Variants in DLG1 observed in about 807,000 individuals in gnomAD.
DLG1 encodes disks large homolog 1.
DLG1 carries 42 observed loss-of-function variants against 123.4 expected under a neutral mutation model. That is an observed-to-expected ratio of 0.34 (90% CI 0.27 to 0.44). DLG1 has a LOEUF of 0.44. Among genes scored for constraint, DLG1 ranks in the 20% least tolerant of loss-of-function variants. DLG1 has a pLI of 1.00. For synonymous variants in DLG1, 317 were observed against 356.2 expected, an observed-to-expected ratio of 0.89 and a Z score of 1.24; for missense variants, 942 against 1,082.6, an observed-to-expected ratio of 0.87 and a Z score of 1.82.
In DLG1 at chr3:197,297,508, C is replaced by T. The variant is rs1421136648; in HGVS notation, c.-31-273G>A. 6.6e-6 allele frequency: 8 copies of T among 1,219,142 alleles called. No homozygotes were observed. In the Admixed American group the frequency reaches 3.2e-4, roughly 49 times the overall value. 75.5% of individuals were successfully genotyped at this position (1,219,142 alleles called of 1,614,324 possible). A position where few individuals can be genotyped will look rare whatever the true frequency, so the allele number is the denominator to read the frequency against. On this transcript the variant is annotated intron_variant, in intron 1 of 24. Coordinates refer to ENST00000667157, the MANE Select transcript of DLG1 (RefSeq NM_001366207.1). ...TCCCCAAAGAGCCTAGACCTGAGGC[C>T]GCCTCTTCCCCCGCACAAGTATCCA... is the stretch of plus-strand genomic sequence containing the variant.
intron 7 of DLG1, among the ~76,000 whole-genome samples, chr3:197,140,877 G>T (rs1372756758): frequency 6.6e-6 from 1 of 152,166 alleles, no homozygotes; most frequent in Non-Finnish European, 1.5e-5. Flanking sequence ...ACCAACCTGA[G>T]AACTTAACAT....
At chr3:197,224,919 G>GCTCT (rs1159115237) in intron 4 of DLG1, among the ~76,000 whole-genome samples, 1 of 151,842 alleles carries the variant, frequency 6.6e-6, no homozygotes, top group African/African-American at 2.4e-5. Context: ...ACGTTAGAGG[G>GCTCT]CTCTCTTCCT....
intron 5 of DLG1, among the ~76,000 whole-genome samples, chr3:197,153,630 G>A (rs1794997993): frequency 6.6e-6 from 1 of 152,168 alleles, no homozygotes; most frequent in African/African-American, 2.4e-5. Flanking sequence ...CTGACTTCCA[G>A]GAGATTGAAA....
chr3:197,205,200 A>G (rs932685498), intron 4 of DLG1, among the ~76,000 whole-genome samples: 4 of 152,188 alleles, frequency 2.6e-5, no homozygotes, highest in Non-Finnish European at 4.4e-5. Context: ...AGGGGGAAGC[A>G]AAATACAATA....
chr3:197,234,939 T>C (rs1745174421), intron 4 of DLG1, among the ~76,000 whole-genome samples: 1 of 152,164 alleles, frequency 6.6e-6, no homozygotes, highest in South Asian at 2.1e-4. Flanking sequence ...CTTAAATCTA[T>C]TGTGAAATTA....
intron 4 of DLG1, among the ~76,000 whole-genome samples, chr3:197,252,235 C>G (rs6782581): frequency 0.44 from 66,660 of 151,856 alleles, 14,837 homozygotes; most frequent in East Asian, 0.72. Context: ...TAAACCTCTT[C>G]TTTTACTGCT....
intron 3 of DLG1, among the ~76,000 whole-genome samples, chr3:197,287,929 T>C (rs542290599): frequency 6.6e-6 from 1 of 152,300 alleles, no homozygotes; most frequent in African/African-American, 2.4e-5. Flanking sequence ...CACACTCCCT[T>C]TGACCAAACA....
intron 12 of DLG1, 128 bp from the exon 13 acceptor site, chr3:197,116,211 G>T (rs1773182087): frequency 2.8e-6 from 2 of 710,166 alleles, no homozygotes; most frequent in African/African-American, 1.9e-5. Flanking sequence ...AATATAAATG[G>T]TTTTTCTAAA....
At chr3:197,080,322 AG>A (rs1200481498) in intron 17 of DLG1, among the ~76,000 whole-genome samples, 3 of 111,284 alleles carry the variant, frequency 2.7e-5, no homozygotes, top group Non-Finnish European at 5.0e-5. Flanking sequence ...TCTGTCACCC[AG>A]GCTGGAGAGC....
At chr3:197,196,812 CAT>C (rs1471443453) in intron 4 of DLG1, among the ~76,000 whole-genome samples, 11 of 152,120 alleles carry the variant, frequency 7.2e-5, no homozygotes, top group Non-Finnish European at 1.6e-4. Flanking sequence ...TTTATATACA[CAT>C]GACATGTATT....
At position 197,276,142 on chromosome 3, in the gene DLG1, A is replaced by G. The variant is rs1766312761; in HGVS notation, c.318+6537T>C. 2.6e-5 allele frequency among the ~76,000 whole-genome samples: 4 copies of G among 152,246 alleles called. No homozygotes were observed. In the South Asian group the frequency reaches 8.3e-4, roughly 31 times the overall value. Reference sequence around the variant, plus strand: ...CATGTAACCTGCTTTCACTCATTTAATAACACATAATGGATACACAGAATA... The same window carrying G: ...CATGTAACCTGCTTTCACTCATTTAGTAACACATAATGGATACACAGAATA... On this transcript the variant is annotated intron_variant, in intron 4 of 24. Transcript: ENST00000667157.
chr3:197,218,230 T>C (rs1486868966), intron 4 of DLG1, among the ~76,000 whole-genome samples: 1 of 152,202 alleles, frequency 6.6e-6, no homozygotes, highest in Non-Finnish European at 1.5e-5. Context: ...AAGAGCATGA[T>C]GAAATTTATA....
At chr3:197,132,327 A>G (rs1224677863) in intron 10 of DLG1, among the ~76,000 whole-genome samples, 1 of 151,566 alleles carries the variant, frequency 6.6e-6, no homozygotes, top group African/African-American at 2.4e-5. Context: ...AACATTATCA[A>G]TGTTTCCGTT....
chr3:197,121,553 TTC>T (rs1776383613), intron 11 of DLG1, among the ~76,000 whole-genome samples: 1 of 152,218 alleles, frequency 6.6e-6, no homozygotes, highest in Admixed American at 6.5e-5. Context: ...AGAAACTGTA[TTC>T]TCTGTTAGAT....
chr3:197,047,705 G>A (rs547386394), intron 24 of DLG1, among the ~76,000 whole-genome samples: 10 of 152,088 alleles, frequency 6.6e-5, no homozygotes, highest in Non-Finnish European at 1.5e-4. Context: ...AATAAATGGT[G>A]CTGGAAAATC....
Position 197,286,286 on chromosome 3 carries a change from G to A in DLG1, c.152-3441C>T, listed in dbSNP as rs935907166. ...TTTTAGGGTGGTGAAAAACAACAGC[G>A]GTCTCCAACCTTTTTGGCACCAAAG... is the stretch of plus-strand genomic sequence containing the variant. On this transcript the variant is annotated intron_variant, in intron 3 of 24. Coordinates refer to ENST00000667157, the MANE Select transcript of DLG1 (RefSeq NM_001366207.1). Among the ~76,000 whole-genome samples, 6 of 152,182 alleles carry A rather than the reference G, an allele frequency of 3.9e-5. No individual in the cohort carries two copies. The East Asian group carries it at 5.8e-4, about 15-fold the overall frequency.
At chr3:197,062,709 T>C (rs188723424) in intron 22 of DLG1, among the ~76,000 whole-genome samples, 319 of 152,312 alleles carry the variant, frequency 2.1e-3, no homozygotes, top group African/African-American at 7.5e-3. Flanking sequence ...TAACGAATTA[T>C]ATTTAGAAGC....
At chr3:197,126,597 G>A (rs191112660) in intron 11 of DLG1, among the ~76,000 whole-genome samples, 1 of 152,066 alleles carries the variant, frequency 6.6e-6, no homozygotes, top group African/African-American at 2.4e-5. Context: ...GAATAAAATG[G>A]CTCATTATTT....
chr3:197,142,956 T>A (rs1019934660), intron 6 of DLG1, among the ~76,000 whole-genome samples, 188 bp from the exon 7 acceptor site: 1 of 152,188 alleles, frequency 6.6e-6, no homozygotes, highest in Non-Finnish European at 1.5e-5. Context: ...GATTAATGAG[T>A]TGACAACATT....
Sources: gnomAD v4.1 joint callset for allele counts (sites outside exome capture counted in the v4.1 genomes callset) on GRCh38, gnomAD v4.1.1 for gene constraint, MANE v1.5 for transcripts, NCBI Gene and HGNC (gene_info 2026-07-23, HGNC 2026-07-21) for gene names.